The following TENM4 variants were observed in gnomAD, a reference collection of about 807,000 sequenced individuals.
TENM4 encodes the protein teneurin transmembrane protein 4, also known as teneurin-4.
In TENM4, 82 loss-of-function variants were observed where a neutral mutation model predicts 243.3. The observed-to-expected ratio is 0.34, with a 90% CI of 0.28 to 0.40. TENM4 has a LOEUF of 0.40. TENM4 is among the 10% of genes least tolerant of loss of function. The pLI, the probability that TENM4 is intolerant of heterozygous loss-of-function variation, is 1.00. For synonymous variants in TENM4, 1,412 were observed against 1,456.3 expected (o/e 0.97, Z 0.69); for missense variants, 3,138 against 3,673.3 (o/e 0.85, Z 3.77).
intron 7 of TENM4, among the ~76,000 whole-genome samples, chr11:78,893,554 G>C (rs1380965607): frequency 6.6e-6 from 1 of 152,142 alleles, no homozygotes; most frequent in East Asian, 1.9e-4. Context: ...CTATGCTACA[G>C]GTACACTGGT....
chr11:78,811,943 T>A (rs1226627089), intron 14 of TENM4, among the ~76,000 whole-genome samples, 179 bp downstream of exon 14: 1 of 152,228 alleles, frequency 6.6e-6, no homozygotes, highest in East Asian at 1.9e-4. Flanking sequence ...AGGACTCCGA[T>A]GTGTTTGGCC....
intron 2 of TENM4, among the ~76,000 whole-genome samples, chr11:79,217,801 C>A (rs1864082186): frequency 2.0e-5 from 3 of 151,930 alleles, no homozygotes; most frequent in Non-Finnish European, 4.4e-5. Flanking sequence ...CAGCTCACTG[C>A]AACCTCCGCC....
chr11:79,337,056 G>A (rs1857159841), intron 1 of TENM4, among the ~76,000 whole-genome samples: 1 of 152,234 alleles, frequency 6.6e-6, no homozygotes, highest in Non-Finnish European at 1.5e-5. Flanking sequence ...AACTGTTCCT[G>A]ATTAAAGCAA....
At chr11:79,359,544 C>G (rs1276751959) in intron 1 of TENM4, among the ~76,000 whole-genome samples, 3 of 152,004 alleles carry the variant, frequency 2.0e-5, no homozygotes, top group African/African-American at 7.2e-5. Context: ...ACAGTCACTT[C>G]TAGTTTTGCA....
intron 29 of TENM4, among the ~76,000 whole-genome samples, chr11:78,687,059 C>A (rs1858697184): frequency 6.6e-6 from 1 of 152,124 alleles, no homozygotes; most frequent in Non-Finnish European, 1.5e-5. Context: ...ACTGAGCAGC[C>A]CTGTGGGGCA....
At chr11:78,738,027 T>C (rs112153823) in intron 20 of TENM4, among the ~76,000 whole-genome samples, 1 of 152,150 alleles carries the variant, frequency 6.6e-6, no homozygotes, top group Admixed American at 6.6e-5. Context: ...CTGCTGATGG[T>C]TCTTGGAGGA....
intron 6 of TENM4, among the ~76,000 whole-genome samples, chr11:79,025,219 C>T (rs1330948675): frequency 6.6e-6 from 1 of 152,052 alleles, no homozygotes; most frequent in Non-Finnish European, 1.5e-5. Flanking sequence ...ATGTCTATTT[C>T]CCCTACCCCT....
intron 2 of TENM4, among the ~76,000 whole-genome samples, chr11:79,277,811 T>TAG (rs997460791): frequency 1.4e-4 from 22 of 152,066 alleles, no homozygotes; most frequent in Non-Finnish European, 5.9e-5. Flanking sequence ...TCTGCATAGT[T>TAG]TTCTGAGGGT....
chr11:78,908,610 C>G (rs1294271331), intron 6 of TENM4, among the ~76,000 whole-genome samples: 2 of 152,164 alleles, frequency 1.3e-5, no homozygotes, highest in African/African-American at 2.4e-5. Flanking sequence ...CCTAGGAGCT[C>G]TAGTCGCAGG....
At chr11:78,894,323 T>C (rs181092409) in intron 7 of TENM4, among the ~76,000 whole-genome samples, 1 of 152,146 alleles carries the variant, frequency 6.6e-6, no homozygotes, top group African/African-American at 2.4e-5. Flanking sequence ...GATCCCATTT[T>C]AAGATACAGA....
At chr11:79,063,704 T>G (rs2136981526) in intron 6 of TENM4, among the ~76,000 whole-genome samples, 1 of 152,264 alleles carries the variant, frequency 6.6e-6, no homozygotes, top group African/African-American at 2.4e-5. Flanking sequence ...CCCCTCAGAA[T>G]TCTGCCAGCA....
At chr11:79,308,403 C>T (rs568367190) in intron 1 of TENM4, among the ~76,000 whole-genome samples, 58 of 152,154 alleles carry the variant, frequency 3.8e-4, no homozygotes, top group African/African-American at 1.4e-3. Flanking sequence ...GGTCTATTAA[C>T]TATCATAACC....
At chr11:79,391,890 C>T (rs1170159398) in intron 1 of TENM4, among the ~76,000 whole-genome samples, 4 of 152,172 alleles carry the variant, frequency 2.6e-5, no homozygotes, top group Non-Finnish European at 4.4e-5. Flanking sequence ...GTGAGCACTC[C>T]TATTGTTCCC....
intron 19 of TENM4, chr11:78,749,261 C>A (rs1448101234): frequency 1.3e-5 from 2 of 152,044 alleles, no homozygotes; most frequent in Admixed American, 1.3e-4. Flanking sequence ...TTTTAAAAAA[C>A]CAACATGAAT....
chr11:79,346,547 G>A (rs931003414), intron 1 of TENM4, among the ~76,000 whole-genome samples: 3 of 152,158 alleles, frequency 2.0e-5, no homozygotes, highest in Non-Finnish European at 4.4e-5. Context: ...ATTCTATTAC[G>A]AGTAATTAGT....
intron 3 of TENM4, among the ~76,000 whole-genome samples, chr11:79,206,683 T>C (rs1361863074): frequency 1.3e-5 from 2 of 152,120 alleles, no homozygotes; most frequent in Non-Finnish European, 2.9e-5. Context: ...GATTTCCACT[T>C]TTGCTTCTTC....
At chr11:79,070,645 C>T (rs1330068881) in intron 4 of TENM4, among the ~76,000 whole-genome samples, 1 of 152,146 alleles carries the variant, frequency 6.6e-6, no homozygotes, top group East Asian at 1.9e-4. Context: ...CTGCTCACTC[C>T]TGGTCTCTAG....
intron 6 of TENM4, among the ~76,000 whole-genome samples, chr11:79,015,276 G>A (rs927638617): frequency 6.6e-6 from 1 of 152,184 alleles, no homozygotes; most frequent in Non-Finnish European, 1.5e-5. Flanking sequence ...AGGCAGTCTG[G>A]CTCCAAGTTC....
At chr11:79,435,228 C>G (rs1565345546) in intron 1 of TENM4, among the ~76,000 whole-genome samples, 3 of 151,868 alleles carry the variant, frequency 2.0e-5, no homozygotes, top group African/African-American at 7.3e-5. Context: ...AGAATAAAGA[C>G]TGTAAAAGAA....
Sources: allele counts gnomAD v4.1 joint callset (sites outside exome capture counted in the v4.1 genomes callset), GRCh38; gene constraint gnomAD v4.1.1; transcripts MANE v1.5; gene names NCBI Gene and HGNC (gene_info 2026-07-23, HGNC 2026-07-21).